The following CDKAL1 variants were observed in gnomAD, a reference collection of about 807,000 sequenced individuals.
CDKAL1 encodes the protein CDKAL1 threonylcarbamoyladenosine tRNA methylthiotransferase.
CDKAL1 carries 32 observed loss-of-function variants against 68.2 expected under a neutral mutation model. The ratio of observed to expected loss-of-function variants is 0.47; its 90% CI spans 0.35 to 0.63. The LOEUF is 0.63. Ranked by LOEUF, CDKAL1 falls within the 30% of genes least tolerant of loss-of-function variation. The pLI, the probability that CDKAL1 is intolerant of heterozygous loss-of-function variation, is 0.00. For missense variants in CDKAL1, 606 were observed against 696.7 expected, an observed-to-expected ratio of 0.87 and a Z score of 1.47; for synonymous variants, 234 against 244.3, an observed-to-expected ratio of 0.96 and a Z score of 0.39.
intron 8 of CDKAL1, among the ~76,000 whole-genome samples, chr6:20,816,740 T>C (rs1777063441): frequency 1.3e-5 from 2 of 152,128 alleles, no homozygotes; most frequent in South Asian, 4.1e-4. Flanking sequence ...TGGTGTGGTA[T>C]ATAACAAGAC....
At chr6:20,943,736 T>C (rs747056176) in intron 9 of CDKAL1, among the ~76,000 whole-genome samples, 11 of 152,116 alleles carry the variant, frequency 7.2e-5, no homozygotes, top group Non-Finnish European at 1.3e-4. Flanking sequence ...CGCCTGCTAA[T>C]TCCATCATGT....
chr6:20,817,825 A>G (rs955750094), intron 8 of CDKAL1, among the ~76,000 whole-genome samples: 2 of 152,168 alleles, frequency 1.3e-5, no homozygotes, highest in Non-Finnish European at 2.9e-5. Flanking sequence ...TAGAGTTTTT[A>G]TGGTTTACAT....
At chr6:21,146,074 T>C (rs974487999) in intron 13 of CDKAL1, among the ~76,000 whole-genome samples, 6 of 152,158 alleles carry the variant, frequency 3.9e-5, no homozygotes, top group East Asian at 1.9e-4. Context: ...CCTTCTAAAC[T>C]GCTAATATCC....
intron 15 of CDKAL1, among the ~76,000 whole-genome samples, 177 bp downstream of exon 15, chr6:21,201,451 C>T (rs1273768473): frequency 2.6e-5 from 4 of 152,164 alleles, no homozygotes; most frequent in Non-Finnish European, 4.4e-5. Flanking sequence ...TTGCTGATGC[C>T]GATAGCTTTG....
intron 13 of CDKAL1, among the ~76,000 whole-genome samples, chr6:21,191,921 CCTTCA>C (rs1297595973): frequency 6.7e-6 from 1 of 148,608 alleles, no homozygotes; most frequent in Non-Finnish European, 1.5e-5. Flanking sequence ...CCTGCGCCTT[CCTTCA>C]CTTTAGTGAC....
At chr6:21,201,672 G>A (rs1778696973) in intron 15 of CDKAL1, among the ~76,000 whole-genome samples, 1 of 152,176 alleles carries the variant, frequency 6.6e-6, no homozygotes, top group Non-Finnish European at 1.5e-5. Context: ...ACCTACAGCT[G>A]AACAGGCACT....
intron 12 of CDKAL1, among the ~76,000 whole-genome samples, chr6:21,093,375 G>A (rs553399537): frequency 6.6e-6 from 1 of 152,286 alleles, no homozygotes; most frequent in African/African-American, 2.4e-5. Flanking sequence ...AGAATTTTGG[G>A]CATCATGAAA....
At chr6:20,756,986 T>G (rs1284160089) in intron 6 of CDKAL1, among the ~76,000 whole-genome samples, 1 of 149,874 alleles carries the variant, frequency 6.7e-6, no homozygotes, top group Non-Finnish European at 1.5e-5. Context: ...CAGGCTTGAG[T>G]GCAGTGGTGT....
intron 4 of CDKAL1, among the ~76,000 whole-genome samples, chr6:20,569,481 G>C (rs1764611269): frequency 6.6e-6 from 1 of 152,118 alleles, no homozygotes; most frequent in African/African-American, 2.4e-5. Flanking sequence ...TTTTACTTTG[G>C]TCAAGAGCAT....
chr6:21,001,368 T>G (rs1767420333), intron 11 of CDKAL1, among the ~76,000 whole-genome samples: 1 of 152,342 alleles, frequency 6.6e-6, no homozygotes, highest in South Asian at 2.1e-4. Context: ...TAACTGCATA[T>G]GATCATTTTA....
At chr6:20,644,949 A>T (rs574318203) in intron 4 of CDKAL1, among the ~76,000 whole-genome samples, 168 of 152,320 alleles carry the variant, frequency 1.1e-3, no homozygotes, top group African/African-American at 3.9e-3. Flanking sequence ...ACAGCCTATG[A>T]CATATCTAGG....
chr6:20,775,999 T>TA (rs59841924), intron 7 of CDKAL1, among the ~76,000 whole-genome samples: 2,178 of 146,326 alleles, frequency 0.015, 64 homozygotes, highest in East Asian at 0.14. Flanking sequence ...AGTTTTCAAT[T>TA]AAAAAAAAAA....
chr6:20,618,564 C>A (rs1767032612), intron 4 of CDKAL1, among the ~76,000 whole-genome samples: 1 of 152,206 alleles, frequency 6.6e-6, no homozygotes, highest in Non-Finnish European at 1.5e-5. Context: ...AAATTGGTAA[C>A]ATTTTGATCA....
intron 8 of CDKAL1, among the ~76,000 whole-genome samples, chr6:20,815,271 G>A (rs1344153875): frequency 1.3e-5 from 2 of 152,072 alleles, no homozygotes; most frequent in African/African-American, 4.8e-5. Context: ...CCTAAGAAAA[G>A]TATCAGATAC....
chr6:21,186,508 G>A (rs1262301257), intron 13 of CDKAL1, among the ~76,000 whole-genome samples: 1 of 152,162 alleles, frequency 6.6e-6, no homozygotes. Flanking sequence ...TGACAGATTG[G>A]AAAATGTAGA....
intron 13 of CDKAL1, among the ~76,000 whole-genome samples, chr6:21,173,151 C>T (rs1314776597): frequency 6.6e-6 from 1 of 151,800 alleles, no homozygotes; most frequent in African/African-American, 2.4e-5. Context: ...TGCATCCCCC[C>T]CACACACCCA....
chr6:20,763,376 A>G (rs1279649238), intron 7 of CDKAL1, among the ~76,000 whole-genome samples: 1 of 152,080 alleles, frequency 6.6e-6, no homozygotes, highest in African/African-American at 2.4e-5. Flanking sequence ...AGAGTACCGC[A>G]TTGTCTGTTG....
chr6:20,671,630 G>A (rs1414624232), intron 5 of CDKAL1, among the ~76,000 whole-genome samples: 1 of 152,222 alleles, frequency 6.6e-6, no homozygotes, highest in East Asian at 1.9e-4. Context: ...CTTATCTACG[G>A]TGTGAAGTAT....
chr6:20,556,970 G>A (rs562703283), intron 4 of CDKAL1, among the ~76,000 whole-genome samples: 5 of 150,804 alleles, frequency 3.3e-5, no homozygotes, highest in African/African-American at 1.2e-4. Flanking sequence ...CCTGGGAGGC[G>A]GAGCTTGCAG....
Sources: allele counts gnomAD v4.1 joint callset (sites outside exome capture counted in the v4.1 genomes callset), GRCh38; gene constraint gnomAD v4.1.1; transcripts MANE v1.5; gene names NCBI Gene and HGNC (gene_info 2026-07-23, HGNC 2026-07-21).